The following TLCD3B variants were observed in gnomAD, a reference collection of about 807,000 sequenced individuals.
The protein encoded by TLCD3B is ceramide synthase.
In TLCD3B, 9 loss-of-function variants were observed where a neutral mutation model predicts 23.0. That is an observed-to-expected ratio of 0.39 (90% CI 0.24 to 0.68). TLCD3B has a LOEUF of 0.68. Ranked by LOEUF, TLCD3B falls within the 30% of genes least tolerant of loss-of-function variation. The pLI, the probability that TLCD3B is intolerant of heterozygous loss-of-function variation, is 0.44. For synonymous variants in TLCD3B, 161 were observed against 161.0 expected, an observed-to-expected ratio of 1.00 and a Z score of 0.00; for missense variants, 307 against 371.8, an observed-to-expected ratio of 0.83 and a Z score of 1.43.
intron 1 of TLCD3B, among the ~76,000 whole-genome samples, chr16:30,052,367 CA>C (rs1355463640): frequency 6.6e-6 from 1 of 151,200 alleles, no homozygotes; most frequent in Non-Finnish European, 1.5e-5. Context: ...AATCTGTCTC[CA>C]AAAAATAAAT....
In TLCD3B at chr16:30,025,226, C is replaced by A. The variant is rs909428645; in HGVS notation, c.782G>T (p.Trp261Leu). The part of the protein sequence containing the change: ...LICRGACRLF[W>L]PRSRPPPACQ... The stretch of plus-strand genomic sequence containing the variant: ...GGCCGGGGGCGGCCGGGAGCGGGGC[C>A]AGAAGAGGCGGCAGGCCCCACGGCA... The change falls in exon 5 of 5, where the codon TGG (tryptophan) becomes TTG (leucine). Residue 261 changes from tryptophan (W) to leucine (L), a missense_variant. Trp to Leu is a moderately conservative substitution (Grantham distance 61). Coordinates refer to ENST00000380495, the MANE Select transcript of TLCD3B (RefSeq NM_031478.6). The surrounding 1 kb of genome is among the most constrained non-coding windows in gnomAD (Gnocchi z 4.1). 2 of 1,517,994 alleles carry A rather than the reference C, an allele frequency of 1.3e-6. No homozygotes were observed. Among genetic ancestry groups the A allele is most frequent in the African/African-American group, 2.8e-5 (2 of 71,118 alleles). The allele number at this position is 1,517,994 out of a possible 1,614,324, so 94.0% of individuals were successfully genotyped here.
At chr16:30,030,102 A>T in intron 1 of TLCD3B, 1 of 1,403,152 alleles carries the variant, frequency 7.1e-7, no homozygotes, top group Non-Finnish European at 9.5e-7. Flanking sequence ...TCAGTCCCTA[A>T]TGTCTTATAG....
intron 3 of TLCD3B, chr16:30,040,846 A>G (rs1376551083): frequency 6.6e-6 from 1 of 151,874 alleles, no homozygotes; most frequent in Non-Finnish European, 1.5e-5. Context: ...TTTTTTCTAG[A>G]GATGGGATCT....
Position 30,026,741 on chromosome 16 carries a change from C to T in TLCD3B, c.312G>A (p.Gly104=). ...TGGCCGCTCCGTCGTCCCCTCCATG[C>T]CCTTTGACCTGGTGCTTGTGCCAGT... ...LCHWHKHQVK[G]HGGDDGAARA... is the part of the protein sequence containing the mutation. The change falls in exon 3 of 5, where the codon GGG becomes GGA. Residue 104 remains glycine, a synonymous_variant. Transcript: ENST00000380495. 1 of 1,614,128 alleles carries T rather than the reference C, an allele frequency of 6.2e-7. No homozygotes were observed. Among genetic ancestry groups the T allele is most frequent in the South Asian group, 1.1e-5 (1 of 91,070 alleles).
In TLCD3B at chr16:30,029,538, C is replaced by A. The variant is rs1000746923; in HGVS notation, c.126-23G>T. 44 of 1,595,712 alleles carry A rather than the reference C, an allele frequency of 2.8e-5. No individual in the cohort carries two copies. Among genetic ancestry groups the A allele is most frequent in the Non-Finnish European group, 3.7e-5 (43 of 1,164,674 alleles). ...AGCCTGGGGGAGAGAGGGAGGCGTG[C>A]TAGAAAGGCAGAAGGGAAGAGGCGT... On this transcript the variant is annotated intron_variant, in intron 1 of 4. Coordinates refer to ENST00000380495, the MANE Select transcript of TLCD3B (RefSeq NM_031478.6). The surrounding 1 kb of genome is among the most constrained non-coding windows in gnomAD (Gnocchi z 4.6).
At chr16:30,042,913 A>G (rs138675465) in intron 2 of TLCD3B, among the ~76,000 whole-genome samples, 2,414 of 152,176 alleles carry the variant, frequency 0.016, 63 homozygotes, top group African/African-American at 0.055. Flanking sequence ...CCTGACCAAC[A>G]TGGTGAAAGC....
Position 30,029,677 on chromosome 16 carries a change from AC to A in TLCD3B, c.126-163del. On this transcript the variant is annotated intron_variant, in intron 1 of 4. Coordinates refer to ENST00000380495, the MANE Select transcript of TLCD3B (RefSeq NM_031478.6). This position sits in a 1 kb window ranked among gnomAD's most constrained non-coding sequence, Gnocchi z 4.6. ...GGCTGGGCTGCCTGAGGTGTGCCCC[AC>A]CACAGGTACCTCACGGCTCTCCGGC... 1.5e-6 allele frequency: 1 copy of A among 648,202 alleles called. No homozygotes were observed. Among genetic ancestry groups the A allele is most frequent in the Non-Finnish European group, 2.8e-6 (1 of 361,740 alleles). 40.2% of individuals were successfully genotyped at this position (648,202 alleles called of 1,614,324 possible).
chr16:30,027,383 T>C (rs2071194710), intron 2 of TLCD3B, among the ~76,000 whole-genome samples: 1 of 152,188 alleles, frequency 6.6e-6, no homozygotes, highest in Admixed American at 6.5e-5. Flanking sequence ...TCATCCCCAC[T>C]GTACAGGTGA....
Position 30,026,794 on chromosome 16 carries a change from A to G in TLCD3B, c.259T>C (p.Tyr87His). Residue 87 changes from tyrosine (Y) to histidine (H), a missense_variant, in exon 3 of 5, where the codon TAC becomes CAC. Transcript: ENST00000380495. ...YTQFAVPYFI[Y>H]DIYAMFLCHW... Reference sequence around the variant, plus strand: ...CAGAGGAACATGGCGTAGATGTCGTAGATGAAGTAGGGCACAGCAAATTGC... The same window carrying G: ...CAGAGGAACATGGCGTAGATGTCGTGGATGAAGTAGGGCACAGCAAATTGC... The G allele has an allele frequency of 6.2e-7, 1 of 1,614,184 alleles. No individual in the cohort carries two copies. The highest frequency in any genetic ancestry group is 8.5e-7 in the Non-Finnish European group (1 of 1,180,036).
chr16:30,028,035 C>T lies in TLCD3B; in HGVS notation c.210-1192G>A, dbSNP rs190177654. Among the ~76,000 whole-genome samples, 4 of 152,204 alleles carry T rather than the reference C, an allele frequency of 2.6e-5. No individual in the cohort carries two copies. In the East Asian group the frequency reaches 5.8e-4, roughly 22 times the overall value. On this transcript the variant is annotated intron_variant, in intron 2 of 4. Coordinates refer to ENST00000380495, the MANE Select transcript of TLCD3B (RefSeq NM_031478.6). ...AGACTGGTGCAGTGGTGTGGAGCTG[C>T]GGCCCAGAGGCAGGGAAAGATGAGA...
intron 1 of TLCD3B, among the ~76,000 whole-genome samples, chr16:30,050,297 G>T (rs944861147): frequency 1.3e-5 from 2 of 152,190 alleles, no homozygotes; most frequent in Non-Finnish European, 2.9e-5. Flanking sequence ...CCAGCAATTC[G>T]AGAGGCTGAG....
chr16:30,030,421 G>T lies in TLCD3B; in HGVS notation c.107C>A (p.Ala36Glu). ...LPQLRWEEAD[A>E]VIVSARLVSS... ...GGTTTACCTGGCTGAGACAATGACT[G>T]CGTCGGCCTCCTCCCAGCGTAGCTG... The change falls in exon 1 of 5, where the codon GCA (alanine) becomes GAA (glutamate). Residue 36 changes from alanine to glutamate, a missense_variant. Transcript: ENST00000380495. 1 of 1,593,170 alleles carries T rather than the reference G, an allele frequency of 6.3e-7. No individual in the cohort carries two copies.
chr16:30,025,490 G>C lies in TLCD3B; in HGVS notation c.541-23C>G. 1 of 1,609,616 alleles carries C rather than the reference G, an allele frequency of 6.2e-7. No individual in the cohort carries two copies. Among genetic ancestry groups the C allele is most frequent in the Non-Finnish European group, 8.5e-7 (1 of 1,178,414 alleles). ...GTACTGAGGAGACACAGACACAGTG[G>C]CCACGGCAGCAGAAGGGCTCGGCCC... is the stretch of plus-strand genomic sequence containing the variant. On this transcript the variant is annotated intron_variant, in intron 4 of 4. Transcript: ENST00000380495. The surrounding 1 kb of genome is among the most constrained non-coding windows in gnomAD (Gnocchi z 4.1).
In TLCD3B at chr16:30,025,147, TG is replaced by T; in HGVS notation, c.*35del. ...CCCCAGAGCCCTGTCTCCACGGGGG[TG>T]GGGGTGGGGAGGGGGAGGGTCCCGG... is the stretch of plus-strand genomic sequence containing the variant. On this transcript the variant is annotated 3_prime_UTR_variant, in exon 5 of 5. Transcript: ENST00000380495. The surrounding 1 kb of genome is among the most constrained non-coding windows in gnomAD (Gnocchi z 4.1). 1 of 1,240,302 alleles carries T rather than the reference TG, an allele frequency of 8.1e-7. No individual in the cohort carries two copies. The allele number at this position is 1,240,302 out of a possible 1,614,324, so 76.8% of individuals were successfully genotyped here.
rs2071557034 is a variant in TLCD3B, at chr16:30,040,150, ATAT to A, written c.-67+842_-67+844del. Among the ~76,000 whole-genome samples the A allele has an allele frequency of 6.0e-5, 7 of 117,240 alleles. No individual in the cohort carries two copies. In the Admixed American group the frequency reaches 6.6e-4, roughly 11 times the overall value. 76.9% of individuals were successfully genotyped at this position (117,240 alleles called of 152,430 possible). The stretch of plus-strand genomic sequence containing the variant: ...CTTTGTCTCAAAAAAAAAAAAAAAT[ATAT>A]ATATATATATATATATATGAAAAGA... On this transcript the variant is annotated intron_variant, in intron 3 of 6. Transcript: ENST00000561666.
upstream of TLCD3B, chr16:30,032,595 T>C (rs2071387323): frequency 6.6e-6 from 1 of 151,818 alleles, no homozygotes; most frequent in African/African-American, 2.4e-5. Context: ...TGGTTCTTAC[T>C]TGGTATCCCT....
In TLCD3B at chr16:30,029,790, AG is replaced by A. The variant is rs1272089347; in HGVS notation, c.126-276del. 2.0e-5 allele frequency among the ~76,000 whole-genome samples: 3 copies of A among 152,188 alleles called. No individual in the cohort carries two copies. Among genetic ancestry groups the A allele is most frequent in the African/African-American group, 7.2e-5 (3 of 41,440 alleles). ...TGGAAACTGAGTCTCCCTCTTCTCA[AG>A]CCCGCAGGGTGTCTGTCCTGAGGTG... On this transcript the variant is annotated intron_variant, in intron 1 of 4. Coordinates refer to ENST00000380495, the MANE Select transcript of TLCD3B (RefSeq NM_031478.6). The surrounding 1 kb of genome is among the most constrained non-coding windows in gnomAD (Gnocchi z 4.6).
chr16:30,027,104 G>T, intron 2 of TLCD3B: 1 of 586,252 alleles, frequency 1.7e-6, no homozygotes, highest in Non-Finnish European at 3.2e-6. Flanking sequence ...CGGGGGAAAA[G>T]AAAAGACCAG....
chr16:30,028,854 C>A (rs961484290), intron 2 of TLCD3B, among the ~76,000 whole-genome samples: 3 of 152,232 alleles, frequency 2.0e-5, no homozygotes, highest in Non-Finnish European at 4.4e-5. Flanking sequence ...CCTCCCCGTC[C>A]CCCCGCCTCC....
Sources: allele counts gnomAD v4.1 joint callset (sites outside exome capture counted in the v4.1 genomes callset), GRCh38; gene constraint gnomAD v4.1.1; non-coding constraint Gnocchi (gnomAD v3.1); transcripts MANE v1.5; gene names NCBI Gene and HGNC (gene_info 2026-07-23, HGNC 2026-07-21).